The following SNX29 variants were observed in gnomAD, a reference collection of about 807,000 sequenced individuals.
SNX29 encodes sorting nexin 29.
SNX29 carries 78 observed loss-of-function variants against 102.1 expected under a neutral mutation model. That is an observed-to-expected ratio of 0.76 (90% CI 0.64 to 0.92). SNX29 has a LOEUF of 0.92. Among genes scored for constraint, SNX29 ranks in the 40% least tolerant of loss-of-function variants. The pLI, the probability that SNX29 is intolerant of heterozygous loss-of-function variation, is 0.00. For missense variants in SNX29, 1,280 were observed against 1,061.7 expected (o/e 1.21, Z -2.86); for synonymous variants, 580 against 414.5 (o/e 1.40, Z -4.85).
chr16:12,434,251 TACTC>T (rs905450583), intron 18 of SNX29, among the ~76,000 whole-genome samples: 51 of 152,302 alleles, frequency 3.3e-4, no homozygotes, highest in African/African-American at 1.2e-3. Context: ...GGTAAGATAA[TACTC>T]ATTATTGACC....
At chr16:12,158,319 C>T (rs1370588081) in intron 13 of SNX29, among the ~76,000 whole-genome samples, 1 of 152,140 alleles carries the variant, frequency 6.6e-6, no homozygotes, top group Non-Finnish European at 1.5e-5. Context: ...CCTGCCTCAG[C>T]CTGCCGAGTA....
Position 12,568,526 on chromosome 16 carries a change from A to T in SNX29, c.2339A>T (p.Glu780Val). The T allele has an allele frequency of 6.2e-7, 1 of 1,609,924 alleles. No individual in the cohort carries two copies. The highest frequency in any genetic ancestry group is 8.5e-7 in the Non-Finnish European group (1 of 1,179,816). ...PFFVDITPPG[E>V]PVNSRPKAAS... is the part of the protein sequence containing the mutation. ...TTCAGCGACATCACCCCGCCCGGAG[A>T]GCCTGTGAACAGCCGGCCCAAAGCA... Residue 780 changes from glutamate (E) to valine (V), a missense_variant, in exon 21 of 21, where the codon GAG becomes GTG. Coordinates refer to ENST00000566228, the MANE Select transcript of SNX29 (RefSeq NM_032167.5).
At chr16:12,285,767 T>C (rs540576359) in intron 15 of SNX29, among the ~76,000 whole-genome samples, 2 of 152,338 alleles carry the variant, frequency 1.3e-5, no homozygotes, top group South Asian at 4.1e-4. Context: ...ACTGGATTTT[T>C]TATAAGGACT....
intron 13 of SNX29, among the ~76,000 whole-genome samples, chr16:12,153,119 T>TC (rs2055369863): frequency 6.6e-6 from 1 of 152,188 alleles, no homozygotes; most frequent in African/African-American, 2.4e-5. Context: ...TAAAAAGAGC[T>TC]GGGCACTGTG....
chr16:12,530,931 T>C (rs2076915403), intron 20 of SNX29, among the ~76,000 whole-genome samples: 1 of 152,206 alleles, frequency 6.6e-6, no homozygotes, highest in African/African-American at 2.4e-5. Context: ...TGTTTCATAA[T>C]TTATTTCACC....
chr16:12,476,045 G>T (rs932026988), intron 18 of SNX29, among the ~76,000 whole-genome samples: 1 of 152,044 alleles, frequency 6.6e-6, no homozygotes, highest in Non-Finnish European at 1.5e-5. Flanking sequence ...TGACAGCCAG[G>T]CGTGGTGGGT....
intron 3 of SNX29, among the ~76,000 whole-genome samples, chr16:12,019,676 C>A (rs2056962504): frequency 6.7e-6 from 1 of 148,650 alleles, no homozygotes; most frequent in Non-Finnish European, 1.5e-5. Context: ...GCTCTTGTTG[C>A]CCAAGCTGGA....
chr16:12,105,173 G>C (rs921756000), intron 11 of SNX29, among the ~76,000 whole-genome samples: 4 of 151,968 alleles, frequency 2.6e-5, no homozygotes, highest in African/African-American at 7.2e-5. Context: ...ACTGTGCTGA[G>C]AGTCTAATTT....
At chr16:12,362,731 C>T (rs1004580141) in intron 16 of SNX29, among the ~76,000 whole-genome samples, 8 of 151,868 alleles carry the variant, frequency 5.3e-5, no homozygotes, top group Admixed American at 2.0e-4. Flanking sequence ...TCCCTGAAGC[C>T]CTGACAAGGT....
chr16:12,150,377 G>A lies in SNX29; in HGVS notation c.1595+20619G>A, dbSNP rs114318832. Reference sequence around the variant, plus strand: ...TTCTTGGATTAGAGTCTGTCTTCCCGGTAGACTTTGCTACCAGGGGTTAAG... The same window carrying A: ...TTCTTGGATTAGAGTCTGTCTTCCCAGTAGACTTTGCTACCAGGGGTTAAG... On this transcript the variant is annotated intron_variant, in intron 13 of 20. Coordinates refer to ENST00000566228, the MANE Select transcript of SNX29 (RefSeq NM_032167.5). Among the ~76,000 whole-genome samples, 355 of 152,232 alleles carry A rather than the reference G, an allele frequency of 2.3e-3. 3 individuals are homozygous for A. Among genetic ancestry groups the A allele is most frequent in the African/African-American group, 7.8e-3 (325 of 41,548 alleles).
intron 11 of SNX29, among the ~76,000 whole-genome samples, chr16:12,114,085 A>G (rs538109870): frequency 5.9e-5 from 9 of 152,256 alleles, no homozygotes; most frequent in East Asian, 1.9e-4. Context: ...CTCATCCTGT[A>G]TATCTCCCAC....
intron 16 of SNX29, among the ~76,000 whole-genome samples, chr16:12,385,307 G>C (rs1344994482): frequency 6.6e-6 from 1 of 152,236 alleles, no homozygotes; most frequent in African/African-American, 2.4e-5. Flanking sequence ...CTGGGGACTT[G>C]TGGAAGGAAA....
intron 5 of SNX29, among the ~76,000 whole-genome samples, chr16:12,045,610 ATAT>A (rs68189960): frequency 0.33 from 41,360 of 127,164 alleles, 7,883 homozygotes; most frequent in African/African-American, 0.54. Flanking sequence ...GGCAGGCATT[ATAT>A]TATTATTATT....
At chr16:12,193,042 C>G (rs2076683333) in intron 13 of SNX29, among the ~76,000 whole-genome samples, 1 of 151,584 alleles carries the variant, frequency 6.6e-6, no homozygotes, top group South Asian at 2.1e-4. Context: ...GCTGTATTGC[C>G]CAGGCTAGTC....
intron 15 of SNX29, among the ~76,000 whole-genome samples, chr16:12,354,275 T>C (rs571871866): frequency 1.3e-5 from 2 of 152,322 alleles, no homozygotes; most frequent in South Asian, 4.1e-4. Context: ...ATGAACATCA[T>C]AGTTTTAATG....
rs116506185 is a variant in SNX29 at position 12,206,100 on chromosome 16, C to T, written c.1678+6417C>T. Among the ~76,000 whole-genome samples, 1,125 of 152,260 alleles carry T rather than the reference C, an allele frequency of 7.4e-3. 12 individuals are homozygous for T. Among genetic ancestry groups the T allele is most frequent in the African/African-American group, 0.026 (1,063 of 41,542 alleles). On this transcript the variant is annotated intron_variant, in intron 14 of 20. Transcript: ENST00000566228. ...GTGCCTCCAGCTGGATTCTCCTGATCGTGTGTGGTTTTTGCTTTTAGTGAC... is the reference window on the plus strand; with the variant it reads ...GTGCCTCCAGCTGGATTCTCCTGATTGTGTGTGGTTTTTGCTTTTAGTGAC...
At chr16:12,330,659 C>T (rs2081267779) in intron 15 of SNX29, among the ~76,000 whole-genome samples, 1 of 152,206 alleles carries the variant, frequency 6.6e-6, no homozygotes, top group Non-Finnish European at 1.5e-5. Flanking sequence ...GGCGGCTGGA[C>T]CCCAGAGCCC....
intron 18 of SNX29, among the ~76,000 whole-genome samples, chr16:12,434,348 C>T (rs1412548173): frequency 2.0e-5 from 3 of 152,108 alleles, no homozygotes; most frequent in East Asian, 3.9e-4. Context: ...GATCTGTGAG[C>T]TCTAAGATCA....
chr16:12,150,853 C>G (rs953204916), intron 13 of SNX29, among the ~76,000 whole-genome samples: 2 of 152,160 alleles, frequency 1.3e-5, no homozygotes, highest in Non-Finnish European at 2.9e-5. Flanking sequence ...GCAAGAGATA[C>G]GGTCATTTAA....
Sources: allele counts gnomAD v4.1 joint callset (sites outside exome capture counted in the v4.1 genomes callset), GRCh38; gene constraint gnomAD v4.1.1; transcripts MANE v1.5; gene names NCBI Gene and HGNC (gene_info 2026-07-23, HGNC 2026-07-21).